ZBTB8A: variants seen among roughly 807,000 people sequenced by gnomAD.
ZBTB8A encodes zinc finger and BTB domain-containing protein 8A.
A neutral mutation model predicts 37.8 loss-of-function variants in ZBTB8A; 19 were observed. The ratio of observed to expected loss-of-function variants is 0.50; its 90% CI spans 0.35 to 0.74. The LOEUF (loss-of-function observed/expected upper bound fraction) is 0.74, where lower values mean the gene tolerates loss of function less well. Ranked by LOEUF, ZBTB8A falls within the 30% of genes least tolerant of loss-of-function variation. The probability of loss-of-function intolerance (pLI) is 0.01; values close to 1 mark genes in which losing one functional copy is unlikely to be tolerated. For missense variants in ZBTB8A, 394 were observed against 537.8 expected (o/e 0.73, Z 2.65); for synonymous variants, 181 against 185.2 (o/e 0.98, Z 0.19).
At position 32,605,704 on chromosome 1, in the gene ZBTB8A, C is replaced by CAAAAAAAAAA. The variant is rs555736414; in HGVS notation, c.*5302_*5311dup. The CAAAAAAAAAA allele has an allele frequency of 9.2e-3, 170 of 18,398 alleles. 37 individuals are homozygous for CAAAAAAAAAA. The highest frequency in any genetic ancestry group is 0.028 in the African/African-American group (166 of 5,854). The allele number at this position is 18,398 out of a possible 1,614,324, so 1.1% of individuals were successfully genotyped here. ...TGGGTGACAGAGCGAGACTCCACCT[C>CAAAAAAAAAA]AAAAAAAAAAAAAAAAAAAAAAAAA... is the stretch of plus-strand genomic sequence containing the variant. On this transcript the variant is annotated 3_prime_UTR_variant, in exon 5 of 5. Coordinates refer to ENST00000373510, the MANE Select transcript of ZBTB8A (RefSeq NM_001040441.3).
chr1:32,592,336 G>C (rs1430117487), intron 2 of ZBTB8A, among the ~76,000 whole-genome samples: 1 of 151,946 alleles, frequency 6.6e-6, no homozygotes, highest in African/African-American at 2.4e-5. Flanking sequence ...AGGAGTTGGA[G>C]ACCAGCTCGG....
chr1:32,593,234 T>C lies in ZBTB8A; in HGVS notation c.303T>C (p.Ala101=), dbSNP rs777165115. The change falls in exon 3 of 5, where the codon GCT becomes GCC. Residue 101 remains alanine, a synonymous_variant. Coordinates refer to ENST00000373510, the MANE Select transcript of ZBTB8A (RefSeq NM_001040441.3). ...TGQNVIEVMS[A]ASFLQMTDVI... ...AGAATGTCATAGAAGTGATGTCGGC[T>C]GCTAGCTTCCTTCAGATGACTGATG... 18 of 1,614,108 alleles carry C rather than the reference T, an allele frequency of 1.1e-5. No individual in the cohort carries two copies. The highest frequency in any genetic ancestry group is 1.4e-5 in the Non-Finnish European group (17 of 1,180,044).
In ZBTB8A at chr1:32,593,222, A is replaced by G. The variant is rs1644503573; in HGVS notation, c.291A>G (p.Glu97=). The G allele has an allele frequency of 3.7e-6, 6 of 1,614,202 alleles. No homozygotes were observed. Among genetic ancestry groups the G allele is most frequent in the Non-Finnish European group, 5.1e-6 (6 of 1,180,038 alleles). ...CTCTTACTGGTCAGAATGTCATAGA[A>G]GTGATGTCGGCTGCTAGCTTCCTTC... The part of the protein sequence containing the change: ...KLSLTGQNVI[E]VMSAASFLQM... The change falls in exon 3 of 5, where the codon GAA becomes GAG. Residue 97 remains glutamate, a synonymous_variant. Coordinates refer to ENST00000373510, the MANE Select transcript of ZBTB8A (RefSeq NM_001040441.3).
intron 4 of ZBTB8A, among the ~76,000 whole-genome samples, chr1:32,599,716 CAAAAATAAATAA>C (rs1221702248): frequency 6.7e-6 from 1 of 149,442 alleles, no homozygotes; most frequent in Non-Finnish European, 1.5e-5. Flanking sequence ...GACTCTGTCT[CAAAAATAAATAA>C]ATAAATAAAT....
chr1:32,560,615 C>CTTTTTTTTTTTT (rs1170510859), intron 2 of ZBTB8A, among the ~76,000 whole-genome samples: 30 of 90,794 alleles, frequency 3.3e-4, no homozygotes, highest in African/African-American at 5.0e-4. Context: ...TCTTTTCTTT[C>CTTTTTTTTTTTT]TTTTTTTTTT....
chr1:32,585,111 G>A (rs1303583870), intron 2 of ZBTB8A, among the ~76,000 whole-genome samples: 1 of 143,036 alleles, frequency 7.0e-6, no homozygotes, highest in Non-Finnish European at 1.5e-5. Context: ...ACTTACTGCA[G>A]CCTCAACCTC....
At chr1:32,545,659 A>G (rs1364388017) in intron 1 of ZBTB8A, among the ~76,000 whole-genome samples, 2 of 152,138 alleles carry the variant, frequency 1.3e-5, no homozygotes, top group Non-Finnish European at 2.9e-5. Context: ...ATCCTTCTGT[A>G]GGCCCACAGT....
intron 2 of ZBTB8A, among the ~76,000 whole-genome samples, chr1:32,564,726 A>G (rs1273745318): frequency 6.6e-6 from 1 of 152,210 alleles, no homozygotes; most frequent in African/African-American, 2.4e-5. Flanking sequence ...TCTAAAAAAA[A>G]AAACCCAACA....
chr1:32,576,618 G>A (rs1159694504), intron 2 of ZBTB8A, among the ~76,000 whole-genome samples: 2 of 152,064 alleles, frequency 1.3e-5, no homozygotes, highest in Non-Finnish European at 2.9e-5. Flanking sequence ...TAATAGAGAC[G>A]GGGTCTCACT....
rs1644579555 is a variant in ZBTB8A at position 32,601,995 on chromosome 1, T to C, written c.*1576T>C. The C allele has an allele frequency of 4.6e-6, 1 of 219,122 alleles. No individual in the cohort carries two copies. Among genetic ancestry groups the C allele is most frequent in the Non-Finnish European group, 8.9e-6 (1 of 112,658 alleles). The allele number at this position is 219,122 out of a possible 1,614,324, so 13.6% of individuals were successfully genotyped here. A position where few individuals can be genotyped will look rare whatever the true frequency, so the allele number is the denominator to read the frequency against. The stretch of plus-strand genomic sequence containing the variant: ...TTTTGCTTCTCTTGTTTATATAATA[T>C]TTTCAAAACAAACTTTTCTCCTAGT... On this transcript the variant is annotated 3_prime_UTR_variant, in exon 5 of 5. Coordinates refer to ENST00000373510, the MANE Select transcript of ZBTB8A (RefSeq NM_001040441.3).
chr1:32,577,437 A>G (rs1490655787), intron 2 of ZBTB8A, among the ~76,000 whole-genome samples: 2 of 148,456 alleles, frequency 1.3e-5, no homozygotes, highest in Non-Finnish European at 3.0e-5. Flanking sequence ...GGCGTGAGCC[A>G]CTGAGCCCTG....
chr1:32,582,553 C>T (rs1644415129), intron 2 of ZBTB8A, among the ~76,000 whole-genome samples: 1 of 151,838 alleles, frequency 6.6e-6, no homozygotes, highest in African/African-American at 2.4e-5. Flanking sequence ...GAGGCTGAGA[C>T]AGGAGAATCG....
chr1:32,544,156 C>T (rs1287803072), intron 1 of ZBTB8A, among the ~76,000 whole-genome samples: 3 of 152,194 alleles, frequency 2.0e-5, no homozygotes, highest in African/African-American at 7.2e-5. Flanking sequence ...TTAAGGTTCA[C>T]CCATGTTGTA....
chr1:32,550,911 C>T (rs1232291591), intron 1 of ZBTB8A, among the ~76,000 whole-genome samples: 5 of 150,036 alleles, frequency 3.3e-5, no homozygotes, highest in African/African-American at 4.9e-5. Flanking sequence ...GAGCCAAGAT[C>T]GCGCCATTGC....
rs1004065495 is a variant in ZBTB8A at position 32,593,881 on chromosome 1, C to G, written c.823+127C>G. ...AAGCAAGTGATTTTTTTCAAAAGTT[C>G]TATTTTTGTAATGAAATTTATTTAG... On this transcript the variant is annotated intron_variant, in intron 3 of 4. Transcript: ENST00000373510. The G allele has an allele frequency of 4.2e-5, 31 of 738,120 alleles. No homozygotes were observed. The African/African-American group carries it at 5.5e-4, about 13-fold the overall frequency. 45.7% of individuals were successfully genotyped at this position (738,120 alleles called of 1,614,324 possible).
rs751344865 is a variant in ZBTB8A at position 32,600,445 on chromosome 1, C to T, written c.*26C>T. On this transcript the variant is annotated 3_prime_UTR_variant, in exon 5 of 5. Transcript: ENST00000373510. ...CTGTAATGTGAACCAACAGAGCTGG[C>T]ATGTCTGCAATTTACATTGACTTCC... 5 of 1,539,484 alleles carry T rather than the reference C, an allele frequency of 3.2e-6. No homozygotes were observed. The highest frequency in any genetic ancestry group is 1.4e-5 in the African/African-American group (1 of 73,076).
chr1:32,564,143 A>G (rs1409679873), intron 2 of ZBTB8A, among the ~76,000 whole-genome samples: 1 of 152,162 alleles, frequency 6.6e-6, no homozygotes, highest in African/African-American at 2.4e-5. Context: ...GGGACACACC[A>G]GATTTCTATG....
intron 1 of ZBTB8A, among the ~76,000 whole-genome samples, chr1:32,545,390 T>C (rs887020976): frequency 3.3e-5 from 5 of 152,218 alleles, no homozygotes; most frequent in East Asian, 1.9e-4. Context: ...TTTAATCTTA[T>C]TTATTTTAGC....
intron 2 of ZBTB8A, among the ~76,000 whole-genome samples, chr1:32,582,147 C>G (rs1403440849): frequency 6.6e-6 from 1 of 152,070 alleles, no homozygotes; most frequent in African/African-American, 2.4e-5. Flanking sequence ...TTGAGTATCC[C>G]TAACCCAAAA....
Sources: allele counts gnomAD v4.1 joint callset (sites outside exome capture counted in the v4.1 genomes callset), GRCh38; gene constraint gnomAD v4.1.1; transcripts MANE v1.5; gene names NCBI Gene and HGNC (gene_info 2026-07-23, HGNC 2026-07-21).